The following DYNC1LI2 variants were observed in gnomAD, a reference collection of about 807,000 sequenced individuals.
DYNC1LI2 encodes the protein cytoplasmic dynein 1 light intermediate chain 2.
A neutral mutation model predicts 57.8 loss-of-function variants in DYNC1LI2; 19 were observed. The observed-to-expected ratio is 0.33, with a 90% confidence interval of 0.23 to 0.48. DYNC1LI2 has a LOEUF of 0.48. DYNC1LI2 is among the 20% of genes least tolerant of loss of function. The pLI is 0.99. For synonymous variants in DYNC1LI2, 256 were observed against 233.4 expected (o/e 1.10, Z -0.88); for missense variants, 470 against 604.2 (o/e 0.78, Z 2.33).
chr16:66,725,051 G>A (rs1052838755), intron 12 of DYNC1LI2, among the ~76,000 whole-genome samples: 4 of 151,884 alleles, frequency 2.6e-5, no homozygotes, highest in Admixed American at 6.6e-5. Context: ...GCGCGTGCCT[G>A]TAGTCCCAGC....
At chr16:66,725,277 C>T (rs978417964) in intron 12 of DYNC1LI2, among the ~76,000 whole-genome samples, 4 of 151,686 alleles carry the variant, frequency 2.6e-5, no homozygotes, top group Non-Finnish European at 5.9e-5. Flanking sequence ...TCAGGAATTC[C>T]AAGACCAGCC....
At chr16:66,747,082 A>ATT (rs10671755) in intron 3 of DYNC1LI2, among the ~76,000 whole-genome samples, 69,223 of 142,716 alleles carry the variant, frequency 0.49, 17,226 homozygotes, top group East Asian at 0.62. Flanking sequence ...TGCCCTCAAC[A>ATT]TTTTTTTTTT....
Position 66,740,128 on chromosome 16 carries a change from G to A in DYNC1LI2, c.529+2310C>T, listed in dbSNP as rs189468428. Among the ~76,000 whole-genome samples, 22 of 152,250 alleles carry A rather than the reference G, an allele frequency of 1.4e-4. No individual in the cohort carries two copies. The South Asian group carries it at 3.9e-3, about 27-fold the overall frequency. On this transcript the variant is annotated intron_variant, in intron 4 of 12. Coordinates refer to ENST00000258198, the MANE Select transcript of DYNC1LI2 (RefSeq NM_006141.3). ...AGAGAAGACTAAAGTACAAAAAAGC[G>A]CCACCTTCTGGTGGCTATAGGGGAT...
intron 3 of DYNC1LI2, 28 bp downstream of exon 3, chr16:66,749,169 C>T (rs1032030250): frequency 4.3e-6 from 7 of 1,611,392 alleles, no homozygotes; most frequent in South Asian, 1.1e-5. Flanking sequence ...CATACACCCC[C>T]TTACCATGGG....
chr16:66,747,149 G>A (rs1238969692), intron 3 of DYNC1LI2, among the ~76,000 whole-genome samples: 1 of 149,692 alleles, frequency 6.7e-6, no homozygotes, highest in Non-Finnish European at 1.5e-5. Flanking sequence ...GCACAATCTC[G>A]GTCACCGCAA....
chr16:66,735,355 C>A lies in DYNC1LI2; in HGVS notation c.699+720G>T, dbSNP rs150182781. Among the ~76,000 whole-genome samples, 319 of 152,148 alleles carry A rather than the reference C, an allele frequency of 2.1e-3. 7 individuals carry two copies. The East Asian group carries it at 0.055, about 26-fold the overall frequency. On this transcript the variant is annotated intron_variant, in intron 5 of 12. Transcript: ENST00000258198. ...ACCTCAAATGATCCACCCACCTGAG[C>A]CTCCCAAAGTGCTGGGATTACATGA... is the stretch of plus-strand genomic sequence containing the variant.
Position 66,751,223 on chromosome 16 carries a change from G to C in DYNC1LI2, c.181+50C>G, listed in dbSNP as rs746735048. Reference sequence around the variant, plus strand: ...GCGGGGACCTGAGGGAGGGGCGCCCGCCTCGCCCACCCCAGCGACCTGGGG... The same window carrying C: ...GCGGGGACCTGAGGGAGGGGCGCCCCCCTCGCCCACCCCAGCGACCTGGGG... On this transcript the variant is annotated intron_variant, in intron 2 of 12. Transcript: ENST00000258198. The surrounding 1 kb of genome is among the most constrained non-coding windows in gnomAD (Gnocchi z 5.2). 1.8e-5 allele frequency: 28 copies of C among 1,585,934 alleles called. No individual in the cohort carries two copies. The African/African-American group carries it at 3.3e-4, about 19-fold the overall frequency.
intron 4 of DYNC1LI2, among the ~76,000 whole-genome samples, chr16:66,741,333 A>G (rs2017831915): frequency 6.6e-6 from 1 of 152,228 alleles, no homozygotes; most frequent in Non-Finnish European, 1.5e-5. Context: ...GGCATTATCT[A>G]GAAAGGTCAG....
Position 66,751,196 on chromosome 16 carries a change from A to C in DYNC1LI2, c.181+77T>G. On this transcript the variant is annotated intron_variant, in intron 2 of 12. Transcript: ENST00000258198. The surrounding 1 kb of genome is among the most constrained non-coding windows in gnomAD (Gnocchi z 5.2). ...TGCGGGCAGGCGGCTGGAACGGGGA[A>C]GGCGGGGACCTGAGGGAGGGGCGCC... 1 of 1,486,508 alleles carries C rather than the reference A, an allele frequency of 6.7e-7. No individual in the cohort carries two copies. Among genetic ancestry groups the C allele is most frequent in the Non-Finnish European group, 9.1e-7 (1 of 1,096,156 alleles). The allele number at this position is 1,486,508 out of a possible 1,614,324, so 92.1% of individuals were successfully genotyped here.
intron 2 of DYNC1LI2, among the ~76,000 whole-genome samples, chr16:66,749,535 C>T (rs910396793): frequency 2.0e-4 from 31 of 152,262 alleles, no homozygotes; most frequent in African/African-American, 6.5e-4. Context: ...AAATGACATT[C>T]TACTGCAGTT....
At chr16:66,726,093 G>A (rs2144966758) in intron 11 of DYNC1LI2, 149 bp from the exon 12 acceptor site, 1 of 754,746 alleles carries the variant, frequency 1.3e-6, no homozygotes, top group Non-Finnish European at 2.1e-6. Flanking sequence ...CCTTTACACT[G>A]CTACTGCTGA....
chr16:66,732,265 T>C, intron 7 of DYNC1LI2, 74 bp downstream of exon 7: 1 of 1,554,384 alleles, frequency 6.4e-7, no homozygotes, highest in Non-Finnish European at 8.7e-7. Context: ...GCACCTTCCT[T>C]GAAGGGGTAA....
In DYNC1LI2 at chr16:66,723,215, C is replaced by T; in HGVS notation, c.*507G>A. The T allele has an allele frequency of 4.9e-6, 2 of 406,436 alleles. No individual in the cohort carries two copies. The highest frequency in any genetic ancestry group is 1.8e-5 in the South Asian group (1 of 55,672). 25.2% of individuals were successfully genotyped at this position (406,436 alleles called of 1,614,324 possible). ...ATGCACAGTATTTACTGACACTGCT[C>T]ATCTCCTCCTTCCTCCACCTCCCTC... On this transcript the variant is annotated 3_prime_UTR_variant, in exon 13 of 13. Coordinates refer to ENST00000258198, the MANE Select transcript of DYNC1LI2 (RefSeq NM_006141.3).
chr16:66,734,725 G>T (rs1347400302), intron 5 of DYNC1LI2, among the ~76,000 whole-genome samples: 1 of 151,870 alleles, frequency 6.6e-6, no homozygotes, highest in Non-Finnish European at 1.5e-5. Flanking sequence ...GGCCAGGCGT[G>T]GTGGCTTACA....
chr16:66,742,378 A>G (rs187104836), intron 4 of DYNC1LI2, 60 bp downstream of exon 4: 1 of 1,541,154 alleles, frequency 6.5e-7, no homozygotes, highest in East Asian at 2.3e-5. Flanking sequence ...AAGGAAAGTG[A>G]TTCAAACCAT....
At chr16:66,729,698 T>A (rs373517865) in intron 8 of DYNC1LI2, among the ~76,000 whole-genome samples, 1 of 148,446 alleles carries the variant, frequency 6.7e-6, no homozygotes, top group Admixed American at 6.8e-5. Context: ...TGCCTCAGCC[T>A]CCCAACTGCT....
intron 4 of DYNC1LI2, among the ~76,000 whole-genome samples, chr16:66,741,888 T>C (rs1235364938): frequency 1.6e-5 from 2 of 121,502 alleles, no homozygotes; most frequent in Non-Finnish European, 3.3e-5. Flanking sequence ...TAACCTTTCA[T>C]GTTAATTACA....
At chr16:66,735,962 T>G in intron 5 of DYNC1LI2, 113 bp downstream of exon 5, 1 of 1,387,228 alleles carries the variant, frequency 7.2e-7, no homozygotes, top group Non-Finnish European at 9.8e-7. Context: ...TTAATGAATC[T>G]CAAATAAGCC....
rs201821213 is a variant in DYNC1LI2, at chr16:66,751,537, C to T, written c.55G>A (p.Val19Met). ...KLLLGPNGPA[V>M]AAAGDLTSEE... ...CTGGTCAGGTCGCCGGCGGCCGCCA[C>T]CGCGGGCCCGTTGGGACCTAGCAGC... The change falls in exon 1 of 13, where the codon GTG becomes ATG. Residue 19 changes from valine (V) to methionine (M), a missense_variant. By Grantham distance (21) the Val-to-Met change is conservative. Coordinates refer to ENST00000258198, the MANE Select transcript of DYNC1LI2 (RefSeq NM_006141.3). This position sits in a 1 kb window ranked among gnomAD's most constrained non-coding sequence, Gnocchi z 5.2. 2 of 1,588,494 alleles carry T rather than the reference C, an allele frequency of 1.3e-6. No individual in the cohort carries two copies. The highest frequency in any genetic ancestry group is 1.7e-6 in the Non-Finnish European group (2 of 1,169,800).
Sources: allele counts gnomAD v4.1 joint callset (sites outside exome capture counted in the v4.1 genomes callset), GRCh38; gene constraint gnomAD v4.1.1; non-coding constraint Gnocchi (gnomAD v3.1); transcripts MANE v1.5; gene names NCBI Gene and HGNC (gene_info 2026-07-23, HGNC 2026-07-21).